LRRK1: variants seen among roughly 807,000 people sequenced by gnomAD.
LRRK1 encodes the protein leucine rich repeat kinase 1, also known as leucine-rich repeat serine/threonine-protein kinase 1.
A neutral mutation model predicts 209.1 loss-of-function variants in LRRK1; 113 were observed. The ratio of observed to expected loss-of-function variants is 0.54; its 90% CI spans 0.46 to 0.63. LRRK1 has a LOEUF of 0.63. Ranked by LOEUF, LRRK1 falls within the 30% of genes least tolerant of loss-of-function variation. LRRK1 has a pLI of 0.00. For missense variants in LRRK1, 2,284 were observed against 2,632.2 expected, an observed-to-expected ratio of 0.87 and a Z score of 2.89; for synonymous variants, 1,144 against 1,099.7, an observed-to-expected ratio of 1.04 and a Z score of -0.80.
chr15:101,031,538 T>C (rs1473256196), intron 20 of LRRK1, among the ~76,000 whole-genome samples: 1 of 152,202 alleles, frequency 6.6e-6, no homozygotes, highest in Admixed American at 6.5e-5. Context: ...GTTTCCAACT[T>C]TGGGCTATGA....
At chr15:100,920,839 G>A (rs899558010) in intron 1 of LRRK1, among the ~76,000 whole-genome samples, 3 of 151,980 alleles carry the variant, frequency 2.0e-5, no homozygotes, top group South Asian at 2.1e-4. Context: ...CAACTGGCAC[G>A]CAATCCAGGA....
rs779184003 is a variant in LRRK1, at chr15:101,022,422, G to A, written c.1892G>A (p.Arg631Gln). ...AMLSYLRAQLRKAEKCKLMKM... is the reference protein window; with the variant it reads ...AMLSYLRAQLQKAEKCKLMKM... ...CTGTCTTACCTGCGTGCTCAGCTGCGGAAAGCGGAAAAGTGCAAGCTGATG... is the reference window on the plus strand; with the variant it reads ...CTGTCTTACCTGCGTGCTCAGCTGCAGAAAGCGGAAAAGTGCAAGCTGATG... The change falls in exon 15 of 34, where the codon CGG becomes CAG. Residue 631 changes from arginine (R) to glutamine (Q), a missense_variant. Physicochemically the swap from Arg to Gln is conservative, Grantham distance 43. Coordinates refer to ENST00000388948, the MANE Select transcript of LRRK1 (RefSeq NM_024652.6). This position sits in a 1 kb window ranked among gnomAD's most constrained non-coding sequence, Gnocchi z 4.0. 2.0e-5 allele frequency: 32 copies of A among 1,614,094 alleles called. No homozygotes were observed. Among genetic ancestry groups the A allele is most frequent in the Middle Eastern group, 1.6e-4 (1 of 6,084 alleles).
chr15:101,043,246 C>T (rs1020655427), intron 20 of LRRK1, among the ~76,000 whole-genome samples: 5 of 152,238 alleles, frequency 3.3e-5, no homozygotes, highest in African/African-American at 9.6e-5. Flanking sequence ...GACCCGGCCA[C>T]CTGGGAACCA....
At chr15:101,059,955 C>T (rs949027736) in intron 29 of LRRK1, among the ~76,000 whole-genome samples, 10 of 152,138 alleles carry the variant, frequency 6.6e-5, no homozygotes, top group African/African-American at 1.2e-4. Flanking sequence ...GAGGCTGGGC[C>T]GGGCCCTGCC....
chr15:100,941,318 G>GCCTGTATC (rs2042407448), intron 2 of LRRK1, among the ~76,000 whole-genome samples: 31 of 86,328 alleles, frequency 3.6e-4, no homozygotes, highest in Non-Finnish European at 5.7e-4. Context: ...GTGTGTCTGT[G>GCCTGTATC]TGTGTGTGTC....
chr15:100,923,620 G>A (rs1016121393), intron 1 of LRRK1, among the ~76,000 whole-genome samples: 2 of 152,192 alleles, frequency 1.3e-5, no homozygotes, highest in African/African-American at 2.4e-5. Flanking sequence ...ACCAGGATGG[G>A]CACTTATGCC....
At chr15:100,998,537 A>C (rs1023561153) in intron 6 of LRRK1, among the ~76,000 whole-genome samples, 1 of 151,412 alleles carries the variant, frequency 6.6e-6, no homozygotes, top group East Asian at 1.9e-4. Flanking sequence ...AGCTTCCTCA[A>C]AGCAGAAACC....
chr15:101,062,484 C>T lies in LRRK1; in HGVS notation c.4798-90C>T, dbSNP rs913766616. 9.9e-6 allele frequency: 9 copies of T among 906,748 alleles called. No individual in the cohort carries two copies. The African/African-American group carries it at 1.1e-4, about 11-fold the overall frequency. The allele number at this position is 906,748 out of a possible 1,614,324, so 56.2% of individuals were successfully genotyped here. On this transcript the variant is annotated intron_variant, in intron 30 of 33. Coordinates refer to ENST00000388948, the MANE Select transcript of LRRK1 (RefSeq NM_024652.6). ...CTTTCCAAGACCCATAGGGGATCCC[C>T]AAGTCCAAGTGCATCCTCATGGGAA...
chr15:100,979,317 G>C (rs566550386), intron 3 of LRRK1, among the ~76,000 whole-genome samples: 2 of 152,186 alleles, frequency 1.3e-5, no homozygotes, highest in South Asian at 4.2e-4. Context: ...CTGAGATCAG[G>C]AACAAGGCAA....
chr15:100,997,438 TCA>T (rs1156409140), intron 6 of LRRK1, among the ~76,000 whole-genome samples: 2 of 152,128 alleles, frequency 1.3e-5, no homozygotes, highest in African/African-American at 4.8e-5. Flanking sequence ...GTCACAGTGC[TCA>T]CAGATTCCAG....
chr15:100,971,151 T>C (rs1369287713), intron 2 of LRRK1, among the ~76,000 whole-genome samples: 2 of 151,938 alleles, frequency 1.3e-5, no homozygotes, highest in African/African-American at 2.4e-5. Flanking sequence ...CTGGCCAACA[T>C]GGTGAAACCC....
At chr15:101,036,314 TAACTC>T (rs1044646222) in intron 20 of LRRK1, among the ~76,000 whole-genome samples, 2 of 152,208 alleles carry the variant, frequency 1.3e-5, no homozygotes, top group Non-Finnish European at 2.9e-5. Context: ...TATTTTTGTC[TAACTC>T]TGTTTTTTTC....
rs76454083 is a variant in LRRK1 at position 101,024,388 on chromosome 15, C to T, written c.2068-415C>T. Among the ~76,000 whole-genome samples the T allele has an allele frequency of 0.025, 3,847 of 152,264 alleles. 119 individuals are homozygous for T. The highest frequency in any genetic ancestry group is 0.063 in the African/African-American group (2,627 of 41,544). ...GGAGTTTCCCAGCATCCTTGGTGGG[C>T]GCCACCCTCTGAGCCCCACAAGTTC... On this transcript the variant is annotated intron_variant, in intron 15 of 33. Transcript: ENST00000388948. This position sits in a 1 kb window ranked among gnomAD's most constrained non-coding sequence, Gnocchi z 4.6.
chr15:100,990,925 T>C (rs2032130161), intron 6 of LRRK1, among the ~76,000 whole-genome samples: 1 of 152,236 alleles, frequency 6.6e-6, no homozygotes, highest in African/African-American at 2.4e-5. Context: ...TTCAGTATTC[T>C]CCTGGAGTTC....
Position 101,073,309 on chromosome 15 carries a change from A to T in LRRK1, c.*4461A>T, listed in dbSNP as rs1467518739. 2 of 152,292 alleles carry T rather than the reference A, an allele frequency of 1.3e-5. No homozygotes were observed. The highest frequency in any genetic ancestry group is 4.8e-5 in the African/African-American group (2 of 41,456). 9.4% of individuals were successfully genotyped at this position (152,292 alleles called of 1,614,324 possible). On this transcript the variant is annotated 3_prime_UTR_variant, in exon 34 of 34. Transcript: ENST00000388948. ...CCTTCCCTTGGTGTTTAATCATTGC[A>T]GGGACACCTCTCTGATTATTCACCC...
intron 2 of LRRK1, among the ~76,000 whole-genome samples, chr15:100,925,936 T>C (rs8032069): frequency 0.15 from 22,440 of 152,146 alleles, 2,708 homozygotes; most frequent in African/African-American, 0.33. Flanking sequence ...ACAGGTTGGG[T>C]CTGAGAGGCC....
chr15:100,972,359 AGAGAGTGTGTGTGTGTGT>A (rs1567208245), intron 2 of LRRK1, among the ~76,000 whole-genome samples: 9 of 86,974 alleles, frequency 1.0e-4, no homozygotes, highest in African/African-American at 4.5e-4. Flanking sequence ...AGAGAGAGAG[AGAGAGTGTGTGTGTGTGT>A]GTGTGTGTGT....
chr15:101,051,858 C>A lies in LRRK1; in HGVS notation c.3587C>A (p.Thr1196Lys). 6.2e-7 allele frequency: 1 copy of A among 1,614,126 alleles called. No homozygotes were observed. Among genetic ancestry groups the A allele is most frequent in the Non-Finnish European group, 8.5e-7 (1 of 1,180,030 alleles). ...QYFDMEDCVLTAIERDFISCP... is the reference protein window; with the variant it reads ...QYFDMEDCVLKAIERDFISCP... ...TTCGACATGGAAGACTGTGTCCTGA[C>A]GGCCATCGAGCGGGACTTCATCTCC... The change falls in exon 24 of 34, where the codon ACG becomes AAG. Residue 1196 changes from threonine to lysine, a missense_variant. Thr to Lys is a moderately conservative substitution (Grantham distance 78). Transcript: ENST00000388948.
rs369261561 is a variant in LRRK1 at position 101,014,307 on chromosome 15, C to G, written c.1420-9C>G. On this transcript the variant is annotated splice_polypyrimidine_tract_variant and intron_variant, in intron 10 of 33. Transcript: ENST00000388948. ...TCTTAGCTTCTCTCTCCCTCCCTCT[C>G]TCTCTCAGGCCCTCATGTTCTTGAG... The G allele has an allele frequency of 7.2e-5, 115 of 1,595,520 alleles. No homozygotes were observed. Among genetic ancestry groups the G allele is most frequent in the Non-Finnish European group, 9.2e-5 (107 of 1,165,388 alleles).
Sources: allele counts gnomAD v4.1 joint callset (sites outside exome capture counted in the v4.1 genomes callset), GRCh38; gene constraint gnomAD v4.1.1; non-coding constraint Gnocchi (gnomAD v3.1); transcripts MANE v1.5; gene names NCBI Gene and HGNC (gene_info 2026-07-23, HGNC 2026-07-21).